BLTP1: variants seen among roughly 807,000 people sequenced by gnomAD.
The protein encoded by BLTP1 is bridge-like lipid transfer protein family member 1.
At chr4:122,270,949 TTAA>T in the BLTP1 span, 18 of 1,466,194 alleles carry the variant, frequency 1.2e-5, 1 homozygote, top group South Asian at 2.5e-4. Context: ...TGCCTATAAA[TTAA>T]TAAAGATGTA....
At chr4:122,219,022 T>G in the BLTP1 span, 1 of 317,022 alleles carries the variant, frequency 3.2e-6, no homozygotes, top group East Asian at 1.7e-4. Flanking sequence ...GATTGAAAAC[T>G]GTTTAACCAT....
the BLTP1 span, chr4:122,200,946 A>G: frequency 1.0e-5 from 16 of 1,570,272 alleles, no homozygotes; most frequent in East Asian, 3.4e-4. Context: ...TTCATTTCTA[A>G]TGCTGTTCAC....
the BLTP1 span, chr4:122,202,369 A>G: frequency 6.5e-6 from 1 of 153,152 alleles, no homozygotes; most frequent in Non-Finnish European, 1.5e-5. Context: ...GCACATATTA[A>G]ATTATTGAAT....
chr4:122,265,133 T>C, the BLTP1 span, among the ~76,000 whole-genome samples: 2 of 152,216 alleles, frequency 1.3e-5, no homozygotes, highest in Non-Finnish European at 1.5e-5. Flanking sequence ...TCTCCCTCAG[T>C]ATTCAAGGGA....
At chr4:122,270,276 T>A in the BLTP1 span, 2 of 756,730 alleles carry the variant, frequency 2.6e-6, no homozygotes, top group Admixed American at 6.3e-5. Context: ...TTCTGATTTT[T>A]TTCTTTTTGT....
At chr4:122,215,836 C>CG in the BLTP1 span, among the ~76,000 whole-genome samples, 550 of 150,654 alleles carry the variant, frequency 3.7e-3, 4 homozygotes, top group African/African-American at 0.013. Flanking sequence ...TATCCCTCAC[C>CG]CCCCCCATCC....
At chr4:122,352,720 C>T in the BLTP1 span, 1 of 220,870 alleles carries the variant, frequency 4.5e-6, no homozygotes, top group Non-Finnish European at 7.6e-6. Context: ...TATATCCATC[C>T]TCATGCAGCA....
chr4:122,175,811 T>C, the BLTP1 span: 2 of 1,367,954 alleles, frequency 1.5e-6, no homozygotes, highest in Non-Finnish European at 2.1e-6. Flanking sequence ...TTAAGTAAAT[T>C]GTTACTTAAA....
chr4:122,179,270 AAAATAAATAAAT>A, the BLTP1 span, among the ~76,000 whole-genome samples: 2 of 152,078 alleles, frequency 1.3e-5, no homozygotes, highest in Non-Finnish European at 2.9e-5. Flanking sequence ...TTTTCTCTAA[AAAATAAATAAAT>A]AAATAAATAA....
chr4:122,319,747 G>T, the BLTP1 span, among the ~76,000 whole-genome samples: 2 of 151,974 alleles, frequency 1.3e-5, no homozygotes, highest in African/African-American at 4.8e-5. Context: ...CACCATCTTG[G>T]CCAGGCTGGT....
the BLTP1 span, among the ~76,000 whole-genome samples, chr4:122,161,769 G>C: frequency 6.6e-6 from 1 of 152,136 alleles, no homozygotes; most frequent in African/African-American, 2.4e-5. Context: ...ATTTAGGAGT[G>C]TCTTTGGCCC....
chr4:122,319,144 T>C, the BLTP1 span, among the ~76,000 whole-genome samples: 1 of 152,168 alleles, frequency 6.6e-6, no homozygotes, highest in African/African-American at 2.4e-5. Flanking sequence ...TAGAGGCTTA[T>C]CAATTTTATT....
the BLTP1 span, chr4:122,175,960 C>T: frequency 3.1e-6 from 3 of 957,522 alleles, no homozygotes; most frequent in South Asian, 4.2e-5. Flanking sequence ...ATCATATAAT[C>T]AGGATTTTAT....
chr4:122,186,124 A>G, the BLTP1 span: 5 of 1,612,618 alleles, frequency 3.1e-6, no homozygotes, highest in Non-Finnish European at 4.2e-6. Context: ...GACGCCTTCA[A>G]GAGTTGTTTG....
chr4:122,259,928 A>G, the BLTP1 span: 6 of 924,324 alleles, frequency 6.5e-6, no homozygotes, highest in Non-Finnish European at 7.7e-6. Flanking sequence ...GAATCTGTAA[A>G]ATGATAATTT....
At chr4:122,183,552 G>A in the BLTP1 span, 22 of 981,660 alleles carry the variant, frequency 2.2e-5, no homozygotes, top group Non-Finnish European at 2.7e-5. Context: ...GACTTATTTG[G>A]GCCCCAGTTA....
the BLTP1 span, chr4:122,341,027 T>C: frequency 1.3e-5 from 2 of 159,000 alleles, no homozygotes; most frequent in African/African-American, 4.8e-5. Flanking sequence ...AATTATTAAA[T>C]ATTCATCTCT....
chr4:122,243,618 G>A, the BLTP1 span: 1,470 of 316,248 alleles, frequency 4.6e-3, 4 homozygotes, highest in Middle Eastern at 0.013. Flanking sequence ...GCATAGTGGC[G>A]CATGCCTGTA....
chr4:122,342,240 T>C, the BLTP1 span, among the ~76,000 whole-genome samples: 1 of 152,178 alleles, frequency 6.6e-6, no homozygotes, highest in African/African-American at 2.4e-5. Context: ...AGACTTTATA[T>C]GCCTGAGATA....
Sources: allele counts gnomAD v4.1 joint callset (sites outside exome capture counted in the v4.1 genomes callset), GRCh38; gene constraint gnomAD v4.1.1; transcripts MANE v1.5; gene names NCBI Gene and HGNC (gene_info 2026-07-23, HGNC 2026-07-21).